Variants in CADM2 observed in about 807,000 individuals in gnomAD.
CADM2 encodes the protein cell adhesion molecule 2.
In CADM2, 12 loss-of-function variants were observed where a neutral mutation model predicts 49.8. The observed-to-expected ratio is 0.24, with a 90% CI of 0.15 to 0.39. The LOEUF is 0.39. Ranked by LOEUF, CADM2 falls within the 10% of genes least tolerant of loss-of-function variation. The pLI, the probability that CADM2 is intolerant of heterozygous loss-of-function variation, is 1.00. For synonymous variants in CADM2, 214 were observed against 175.4 expected (o/e 1.22, Z -1.74); for missense variants, 378 against 492.3 (o/e 0.77, Z 2.20).
chr3:85,207,479 TC>T (rs1263486265), intron 1 of CADM2, among the ~76,000 whole-genome samples: 1 of 152,184 alleles, frequency 6.6e-6, no homozygotes, highest in Non-Finnish European at 1.5e-5. Context: ...CTCATGTCTT[TC>T]TATTTCATAT....
At chr3:85,283,125 AT>A (rs1313086995) in intron 1 of CADM2, among the ~76,000 whole-genome samples, 4 of 152,042 alleles carry the variant, frequency 2.6e-5, no homozygotes, top group Non-Finnish European at 5.9e-5. Flanking sequence ...TTTTATATTC[AT>A]TGGATAATGA....
At chr3:85,518,873 A>G (rs1210560577) in intron 1 of CADM2, among the ~76,000 whole-genome samples, 1 of 152,128 alleles carries the variant, frequency 6.6e-6, no homozygotes, top group Non-Finnish European at 1.5e-5. Flanking sequence ...TTTCTTATAA[A>G]ATAACATTTA....
intron 1 of CADM2, among the ~76,000 whole-genome samples, chr3:85,207,100 G>GACAATAGC (rs2041662348): frequency 6.7e-6 from 1 of 149,484 alleles, no homozygotes; most frequent in Non-Finnish European, 1.5e-5. Flanking sequence ...GCATACACAT[G>GACAATAGC]ACAATAGCAT....
chr3:85,307,773 A>G (rs1312379789), intron 1 of CADM2, among the ~76,000 whole-genome samples: 1 of 151,730 alleles, frequency 6.6e-6, no homozygotes, highest in African/African-American at 2.4e-5. Flanking sequence ...TCAATGTTCA[A>G]AAAATGCTGA....
intron 1 of CADM2, among the ~76,000 whole-genome samples, chr3:85,137,197 G>T (rs1575955959): frequency 6.6e-6 from 1 of 151,920 alleles, no homozygotes; most frequent in Middle Eastern, 3.4e-3. Flanking sequence ...TATGCTCAAA[G>T]AAATGAACAA....
chr3:85,068,122 T>G (rs2036589656), intron 1 of CADM2, among the ~76,000 whole-genome samples: 2 of 152,214 alleles, frequency 1.3e-5, no homozygotes, highest in Admixed American at 1.3e-4. Flanking sequence ...GAGAATCATT[T>G]CCATGTCCTG....
chr3:84,974,003 T>G (rs2031647061), intron 1 of CADM2, among the ~76,000 whole-genome samples: 1 of 152,168 alleles, frequency 6.6e-6, no homozygotes, highest in Non-Finnish European at 1.5e-5. Flanking sequence ...TTTTATACAA[T>G]TATTTAAAAC....
chr3:85,639,394 A>G (rs942397318), intron 1 of CADM2, among the ~76,000 whole-genome samples: 4 of 152,184 alleles, frequency 2.6e-5, no homozygotes, highest in Admixed American at 6.5e-5. Context: ...GACATCGGGC[A>G]TGAAATTCAG....
intron 1 of CADM2, among the ~76,000 whole-genome samples, chr3:85,500,679 G>A (rs944119231): frequency 6.6e-6 from 1 of 151,952 alleles, no homozygotes; most frequent in Non-Finnish European, 1.5e-5. Flanking sequence ...TACTATGCCT[G>A]GCTGATTTTT....
At chr3:85,949,290 T>C (rs142374715) in intron 7 of CADM2, among the ~76,000 whole-genome samples, 1 of 151,568 alleles carries the variant, frequency 6.6e-6, no homozygotes, top group East Asian at 2.0e-4. Context: ...AGCAAGCTAT[T>C]ATTTCTTGTA....
In CADM2 at chr3:85,961,661, G is replaced by A; in HGVS notation, c.970+14G>A. 6.0e-6 allele frequency: 9 copies of A among 1,504,660 alleles called. No homozygotes were observed. Among genetic ancestry groups the A allele is most frequent in the South Asian group, 1.4e-5 (1 of 73,982 alleles). 93.2% of individuals were successfully genotyped at this position (1,504,660 alleles called of 1,614,324 possible). The stretch of plus-strand genomic sequence containing the variant: ...TCATTGTGCATGGTGAGTAAATTTT[G>A]GAAAACATTATATGTGAAAGGATGC... On this transcript the variant is annotated intron_variant, in intron 8 of 9. Transcript: ENST00000383699.
chr3:85,271,822 T>G (rs1171240331), intron 1 of CADM2, among the ~76,000 whole-genome samples: 1 of 151,298 alleles, frequency 6.6e-6, no homozygotes, highest in Non-Finnish European at 1.5e-5. Flanking sequence ...AACCATTGTC[T>G]TTTGATTATC....
chr3:86,034,023 C>T (rs1734862761), intron 8 of CADM2, among the ~76,000 whole-genome samples: 1 of 151,602 alleles, frequency 6.6e-6, no homozygotes, highest in Non-Finnish European at 1.5e-5. Flanking sequence ...ACTAGGGAAT[C>T]CTAACCTTAG....
intron 1 of CADM2, among the ~76,000 whole-genome samples, chr3:85,077,858 C>T (rs915011492): frequency 1.3e-5 from 2 of 152,048 alleles, no homozygotes; most frequent in East Asian, 3.9e-4. Context: ...AAATATCATT[C>T]GTTAGTAAAG....
intron 1 of CADM2, among the ~76,000 whole-genome samples, chr3:85,007,489 A>G (rs4569672): frequency 0.72 from 109,490 of 152,050 alleles, 40,492 homozygotes; most frequent in African/African-American, 0.88. Flanking sequence ...CTGGTCTAGT[A>G]GGTAATAAAG....
intron 8 of CADM2, among the ~76,000 whole-genome samples, chr3:86,035,593 C>G (rs1336942511): frequency 6.6e-6 from 1 of 152,062 alleles, no homozygotes; most frequent in African/African-American, 2.4e-5. Context: ...AGGATCTCTG[C>G]TTCTGGTGGC....
chr3:85,029,166 A>G (rs1395202436), intron 1 of CADM2, among the ~76,000 whole-genome samples: 1 of 151,984 alleles, frequency 6.6e-6, no homozygotes, highest in Non-Finnish European at 1.5e-5. Flanking sequence ...TTTTAAATAT[A>G]TAAAATAATA....
At chr3:85,022,800 A>G (rs1430388727) in intron 1 of CADM2, among the ~76,000 whole-genome samples, 2 of 152,180 alleles carry the variant, frequency 1.3e-5, no homozygotes, top group African/African-American at 4.8e-5. Context: ...TAGAATAAAC[A>G]TGATTACACA....
chr3:85,046,025 A>C (rs976996482), intron 1 of CADM2, among the ~76,000 whole-genome samples: 3 of 152,110 alleles, frequency 2.0e-5, no homozygotes, highest in Non-Finnish European at 4.4e-5. Context: ...ATGTTAATTA[A>C]AACTGTATTA....
Sources: allele counts gnomAD v4.1 joint callset (sites outside exome capture counted in the v4.1 genomes callset), GRCh38; gene constraint gnomAD v4.1.1; transcripts MANE v1.5; gene names NCBI Gene and HGNC (gene_info 2026-07-23, HGNC 2026-07-21).